GATC: variants seen among roughly 807,000 people sequenced by gnomAD.
GATC encodes the protein glutamyl-tRNA amidotransferase subunit C.
Under a neutral mutation model 14.4 loss-of-function variants are expected in GATC, and 11 were observed. The observed-to-expected ratio is 0.77, with a 90% CI of 0.48 to 1.27. The LOEUF (loss-of-function observed/expected upper bound fraction) is 1.27, where lower values mean the gene tolerates loss of function less well. Among genes scored for constraint, GATC ranks in the 50% most tolerant of loss-of-function variants. The pLI is 0.00. For missense variants in GATC, 204 were observed against 183.0 expected, an observed-to-expected ratio of 1.11 and a Z score of -0.66; for synonymous variants, 76 against 79.3, an observed-to-expected ratio of 0.96 and a Z score of 0.22.
chr12:120,455,045 GC>G, intron 2 of GATC: 1 of 430,552 alleles, frequency 2.3e-6, no homozygotes, highest in South Asian at 1.6e-5. Context: ...GTACCACCAT[GC>G]CCGGCTAACT....
intron 3 of GATC, 63 bp downstream of exon 3, chr12:120,457,242 A>G (rs1030007190): frequency 8.2e-7 from 1 of 1,224,080 alleles, no homozygotes; most frequent in Non-Finnish European, 1.2e-6. Context: ...TGAAGCAGGA[A>G]GCATGAGGAC....
chr12:120,458,938 G>A (rs1391093882), intron 3 of GATC, among the ~76,000 whole-genome samples: 1 of 152,120 alleles, frequency 6.6e-6, no homozygotes. Flanking sequence ...TCGGCTCACT[G>A]CAAGCTCCAC....
intron 2 of GATC, among the ~76,000 whole-genome samples, chr12:120,452,097 G>C (rs1348066979): frequency 6.6e-6 from 1 of 151,852 alleles, no homozygotes; most frequent in African/African-American, 2.4e-5. Context: ...GGCTGCTCTT[G>C]AACTCCTGAC....
chr12:120,457,938 C>CCTCT (rs112080096), intron 3 of GATC, among the ~76,000 whole-genome samples: 105,871 of 151,406 alleles, frequency 0.7, 37,550 homozygotes, highest in African/African-American at 0.81. Context: ...CACATCTTTG[C>CCTCT]CTATGACATG....
At chr12:120,454,898 G>A (rs1174514773) in intron 2 of GATC, 4 of 324,090 alleles carry the variant, frequency 1.2e-5, no homozygotes, top group Non-Finnish European at 2.6e-5. Context: ...TTTTGTGTGT[G>A]TGTGTGTGAG....
At chr12:120,456,932 T>C in intron 2 of GATC, 144 bp from the exon 3 acceptor site, 1 of 637,588 alleles carries the variant, frequency 1.6e-6, no homozygotes, top group East Asian at 2.7e-5. Flanking sequence ...TGGTCTACTG[T>C]TGATCCCAGC....
intron 2 of GATC, among the ~76,000 whole-genome samples, chr12:120,449,161 A>G (rs1877969314): frequency 6.6e-6 from 1 of 151,104 alleles, no homozygotes; most frequent in African/African-American, 2.4e-5. Flanking sequence ...ATGAGGTTTC[A>G]CCGTAGCCAA....
chr12:120,447,301 A>G (rs1877902890), intron 2 of GATC, among the ~76,000 whole-genome samples: 1 of 148,424 alleles, frequency 6.7e-6, no homozygotes. Flanking sequence ...TTGGTCTTGA[A>G]CTCCTGACCG....
rs548507286 is a variant in GATC, at chr12:120,448,794, C to T, written c.254+1965C>T. On this transcript the variant is annotated intron_variant, in intron 2 of 3. Transcript: ENST00000551765. ...CCGAGTAGCTGGGACTACAGGCGCC[C>T]GCCACCACGCCCAGCTAATTTTTGT... is the stretch of plus-strand genomic sequence containing the variant. Among the ~76,000 whole-genome samples, 23 of 151,290 alleles carry T rather than the reference C, an allele frequency of 1.5e-4. No individual in the cohort carries two copies. In the East Asian group the frequency reaches 1.9e-3, roughly 13 times the overall value.
In GATC at chr12:120,462,619, CT is replaced by C. The variant is rs1878381427; in HGVS notation, c.*2663del. The C allele has an allele frequency of 6.5e-6, 1 of 153,054 alleles. No individual in the cohort carries two copies. The highest frequency in any genetic ancestry group is 2.0e-4 in the South Asian group (1 of 4,898). The allele number at this position is 153,054 out of a possible 1,614,324, so 9.5% of individuals were successfully genotyped here. ...CAGATGTGAGGACCTGAGCTAGATG[CT>C]TTAGACGTTATCCTCTTGCTCTAGA... On this transcript the variant is annotated 3_prime_UTR_variant, in exon 4 of 4. Transcript: ENST00000551765.
At position 120,453,854 on chromosome 12, in the gene GATC, C is replaced by A. The variant is rs74961939; in HGVS notation, c.255-3222C>A. Among the ~76,000 whole-genome samples, 19 of 143,926 alleles carry A rather than the reference C, an allele frequency of 1.3e-4. No individual in the cohort carries two copies. In the South Asian group the frequency reaches 2.5e-3, roughly 19 times the overall value. The allele number at this position is 143,926 out of a possible 152,430, so 94.4% of individuals were successfully genotyped here. On this transcript the variant is annotated intron_variant, in intron 2 of 3. Transcript: ENST00000551765. ...AAAACAACAACAACAACAACAACAA[C>A]AAAAAACCAACCCCAGAAAATGTGT...
intron 1 of GATC, 30 bp downstream of exon 1, chr12:120,446,591 C>T (rs776407546): frequency 6.3e-7 from 1 of 1,588,834 alleles, no homozygotes; most frequent in Non-Finnish European, 8.6e-7. Flanking sequence ...AGGCGGGTGG[C>T]GGAGCAAGCC....
chr12:120,455,144 A>G (rs563523217), intron 2 of GATC: 1 of 231,806 alleles, frequency 4.3e-6, no homozygotes, highest in South Asian at 4.1e-5. Context: ...TGGCCTCCCA[A>G]AGTGCTGGGA....
intron 2 of GATC, among the ~76,000 whole-genome samples, chr12:120,452,173 G>A (rs140630985): frequency 9.2e-5 from 14 of 152,000 alleles, no homozygotes; most frequent in South Asian, 4.2e-4. Flanking sequence ...CACCGTGCCC[G>A]GCCTAAATTA....
At chr12:120,448,913 G>A (rs866680540) in intron 2 of GATC, among the ~76,000 whole-genome samples, 15 of 151,684 alleles carry the variant, frequency 9.9e-5, no homozygotes, top group African/African-American at 3.6e-4. Context: ...CAAAGTGCTG[G>A]GATTATAGGC....
At chr12:120,459,681 C>A (rs1365313644) in intron 3 of GATC, among the ~76,000 whole-genome samples, 3 of 152,088 alleles carry the variant, frequency 2.0e-5, no homozygotes, top group African/African-American at 7.2e-5. Flanking sequence ...ACGGTGAAAC[C>A]CCGTCTCTAT....
At chr12:120,449,479 C>T (rs966117590) in intron 2 of GATC, among the ~76,000 whole-genome samples, 5 of 151,868 alleles carry the variant, frequency 3.3e-5, no homozygotes, top group African/African-American at 1.2e-4. Flanking sequence ...GAGATGGAGT[C>T]TCACTCTGTT....
chr12:120,447,063 TTTTTG>T (rs796369722), intron 2 of GATC, among the ~76,000 whole-genome samples: 8,809 of 145,846 alleles, frequency 0.06, 313 homozygotes, highest in African/African-American at 0.081. Context: ...TTTGTTTTTT[TTTTTG>T]TTTGTTTGTT....
chr12:120,458,380 C>T (rs372029545), intron 3 of GATC, among the ~76,000 whole-genome samples: 2 of 151,978 alleles, frequency 1.3e-5, no homozygotes, highest in South Asian at 4.1e-4. Context: ...TGCACCCCGC[C>T]GATATTTCTT....
Sources: allele counts gnomAD v4.1 joint callset (sites outside exome capture counted in the v4.1 genomes callset), GRCh38; gene constraint gnomAD v4.1.1; transcripts MANE v1.5; gene names NCBI Gene and HGNC (gene_info 2026-07-23, HGNC 2026-07-21).